The following ALX4 variants were observed in gnomAD, a reference collection of about 807,000 sequenced individuals.
ALX4 encodes homeobox protein aristaless-like 4.
ALX4 carries 22 observed loss-of-function variants against 40.6 expected under a neutral mutation model. That is an observed-to-expected ratio of 0.54 (90% confidence interval 0.39 to 0.77). The LOEUF (loss-of-function observed/expected upper bound fraction) is 0.77, where lower values mean the gene tolerates loss of function less well. Ranked by LOEUF, ALX4 falls within the 30% of genes least tolerant of loss-of-function variation. The probability of loss-of-function intolerance (pLI) is 0.00; values close to 1 mark genes in which losing one functional copy is unlikely to be tolerated. For missense variants in ALX4, 556 were observed against 564.8 expected, an observed-to-expected ratio of 0.98 and a Z score of 0.16; for synonymous variants, 266 against 240.5, an observed-to-expected ratio of 1.11 and a Z score of -0.98.
At chr11:44,308,888 G>T (rs1400704266) in intron 1 of ALX4, among the ~76,000 whole-genome samples, 1 of 152,246 alleles carries the variant, frequency 6.6e-6, no homozygotes, top group Non-Finnish European at 1.5e-5. Flanking sequence ...AGAAGCTCCA[G>T]GGGAACTGGC....
chr11:44,282,969 C>T (rs1039112246), intron 1 of ALX4, among the ~76,000 whole-genome samples: 4 of 152,076 alleles, frequency 2.6e-5, no homozygotes, highest in African/African-American at 4.8e-5. Flanking sequence ...TACAGCTGGG[C>T]GTGGTGGCTT....
chr11:44,308,082 T>C (rs1956480008), intron 1 of ALX4, among the ~76,000 whole-genome samples: 1 of 152,306 alleles, frequency 6.6e-6, no homozygotes, highest in East Asian at 1.9e-4. Context: ...ACTGAATCTT[T>C]CTAAATCTTC....
chr11:44,302,918 G>C (rs1956443155), intron 1 of ALX4, among the ~76,000 whole-genome samples: 2 of 152,130 alleles, frequency 1.3e-5, no homozygotes, highest in Non-Finnish European at 2.9e-5. Flanking sequence ...ACTCCAAGAG[G>C]GTCTTTGGAA....
chr11:44,291,418 C>CTTTTTTTTTTT (rs56098274), intron 1 of ALX4, among the ~76,000 whole-genome samples: 2 of 148,950 alleles, frequency 1.3e-5, no homozygotes, highest in African/African-American at 4.9e-5. Context: ...TTCTTTCTTT[C>CTTTTTTTTTTT]TTTTTTTGGA....
intron 1 of ALX4, among the ~76,000 whole-genome samples, chr11:44,306,592 G>C (rs1956469912): frequency 6.6e-6 from 1 of 152,274 alleles, no homozygotes; most frequent in Non-Finnish European, 1.5e-5. Context: ...CCTGAAGACG[G>C]AGATCAGCCA....
At chr11:44,270,182 C>T (rs116407224) in intron 2 of ALX4, among the ~76,000 whole-genome samples, 13,959 of 151,982 alleles carry the variant, frequency 0.092, 690 homozygotes, top group Non-Finnish European at 0.1. Flanking sequence ...GGGGCGCGGG[C>T]TCGCTGGAGC....
intron 1 of ALX4, among the ~76,000 whole-genome samples, chr11:44,282,782 C>T (rs1379010979): frequency 4.6e-5 from 7 of 152,160 alleles, no homozygotes; most frequent in East Asian, 1.9e-4. Flanking sequence ...GGCAAAACTA[C>T]GGGGACTCTA....
At chr11:44,280,785 A>G (rs1956305365) in intron 1 of ALX4, among the ~76,000 whole-genome samples, 1 of 152,218 alleles carries the variant, frequency 6.6e-6, no homozygotes, top group African/African-American at 2.4e-5. Flanking sequence ...GGTCAGCATT[A>G]TTGCCATAGA....
At chr11:44,273,190 T>TAAAAA (rs35856858) in intron 2 of ALX4, among the ~76,000 whole-genome samples, 1 of 137,604 alleles carries the variant, frequency 7.3e-6, no homozygotes, top group Non-Finnish European at 1.6e-5. Flanking sequence ...CTTTGCTGAT[T>TAAAAA]AAAAAAAAAA....
At chr11:44,278,772 T>C (rs528000621) in intron 1 of ALX4, among the ~76,000 whole-genome samples, 49 of 152,252 alleles carry the variant, frequency 3.2e-4, no homozygotes, top group African/African-American at 1.2e-3. Context: ...AGCGGGGTAG[T>C]TGAGGGTCCC....
intron 1 of ALX4, among the ~76,000 whole-genome samples, chr11:44,299,354 G>GT (rs772070484): frequency 0.056 from 6,384 of 113,036 alleles, 355 homozygotes; most frequent in East Asian, 0.19. Flanking sequence ...GGGGGCCATG[G>GT]TTTTTTTTTT....
intron 1 of ALX4, among the ~76,000 whole-genome samples, chr11:44,306,986 G>A (rs938397208): frequency 8.5e-5 from 13 of 152,154 alleles, no homozygotes; most frequent in African/African-American, 1.9e-4. Context: ...GCTTTGCCCC[G>A]AGCAGTGCCT....
chr11:44,274,470 G>A (rs1956266486), intron 2 of ALX4, among the ~76,000 whole-genome samples: 2 of 151,974 alleles, frequency 1.3e-5, no homozygotes, highest in African/African-American at 4.8e-5. Flanking sequence ...ACTGAGTTGA[G>A]TTGAGTGTGT....
chr11:44,269,344 C>T (rs975637377), intron 2 of ALX4, among the ~76,000 whole-genome samples: 13 of 152,208 alleles, frequency 8.5e-5, no homozygotes, highest in Non-Finnish European at 7.3e-5. Flanking sequence ...TGTTTCTTTA[C>T]AGCTCCTGAC....
intron 1 of ALX4, among the ~76,000 whole-genome samples, chr11:44,302,999 A>G (rs1480031701): frequency 2.0e-5 from 3 of 152,182 alleles, no homozygotes; most frequent in African/African-American, 7.2e-5. Flanking sequence ...CTCCAAGGCC[A>G]TGGAGGAGTA....
intron 1 of ALX4, among the ~76,000 whole-genome samples, chr11:44,306,781 G>C (rs971238457): frequency 2.6e-5 from 4 of 152,172 alleles, no homozygotes; most frequent in Non-Finnish European, 5.9e-5. Flanking sequence ...GCAGGGTAGG[G>C]ATCCCACTCC....
intron 1 of ALX4, among the ~76,000 whole-genome samples, chr11:44,279,658 T>C (rs1440109126): frequency 6.6e-6 from 1 of 152,176 alleles, no homozygotes; most frequent in Non-Finnish European, 1.5e-5. Context: ...GCCTGGCATG[T>C]TCCTCCTTCC....
chr11:44,268,738 G>A (rs945718594), intron 2 of ALX4, among the ~76,000 whole-genome samples: 1 of 152,182 alleles, frequency 6.6e-6, no homozygotes, highest in Non-Finnish European at 1.5e-5. Flanking sequence ...GAGTGAGGAG[G>A]GATCAGCTTC....
At chr11:44,293,050 G>A (rs1233285598) in intron 1 of ALX4, among the ~76,000 whole-genome samples, 1 of 151,356 alleles carries the variant, frequency 6.6e-6, no homozygotes, top group Non-Finnish European at 1.5e-5. Flanking sequence ...AGTGGGCCAT[G>A]ATTTAGCCAT....
Sources: allele counts gnomAD v4.1 joint callset (sites outside exome capture counted in the v4.1 genomes callset), GRCh38; gene constraint gnomAD v4.1.1; transcripts MANE v1.5; gene names NCBI Gene and HGNC (gene_info 2026-07-23, HGNC 2026-07-21).